LDB2: variants seen among roughly 807,000 people sequenced by gnomAD.
LDB2 encodes LIM domain-binding protein 2.
In LDB2, 12 loss-of-function variants were observed where a neutral mutation model predicts 44.3. The ratio of observed to expected loss-of-function variants is 0.27; its 90% CI spans 0.17 to 0.44. The LOEUF (loss-of-function observed/expected upper bound fraction) is 0.44, where lower values mean the gene tolerates loss of function less well. Ranked by LOEUF, LDB2 falls within the 20% of genes least tolerant of loss-of-function variation. The pLI, the probability that LDB2 is intolerant of heterozygous loss-of-function variation, is 1.00. For synonymous variants in LDB2, 164 were observed against 174.8 expected (o/e 0.94, Z 0.49); for missense variants, 344 against 473.5 (o/e 0.73, Z 2.54).
Position 16,727,958 on chromosome 4 carries a change from C to A in LDB2, c.235+31200G>T, listed in dbSNP as rs114353135. Among the ~76,000 whole-genome samples, 943 of 152,254 alleles carry A rather than the reference C, an allele frequency of 6.2e-3. 10 individuals are homozygous for A. Among genetic ancestry groups the A allele is most frequent in the African/African-American group, 0.022 (898 of 41,526 alleles). ...GTTTACAGTCTAACCATTCTCAAGG[C>A]TCCATGGGAGCAGCCATTTAAAAAT... is the stretch of plus-strand genomic sequence containing the variant. On this transcript the variant is annotated intron_variant, in intron 2 of 7. Transcript: ENST00000304523.
At chr4:16,613,992 G>A (rs1726417315) in intron 2 of LDB2, among the ~76,000 whole-genome samples, 2 of 152,158 alleles carry the variant, frequency 1.3e-5, no homozygotes, top group South Asian at 4.1e-4. Context: ...CAAACTGGAG[G>A]CAACACACTA....
chr4:16,727,075 T>A (rs1345538731), intron 2 of LDB2, among the ~76,000 whole-genome samples: 4 of 152,214 alleles, frequency 2.6e-5, no homozygotes, highest in Non-Finnish European at 5.9e-5. Context: ...AAGAAATTGA[T>A]GAAATGCATT....
chr4:16,758,507 G>A (rs995719445), intron 2 of LDB2, among the ~76,000 whole-genome samples: 2 of 152,142 alleles, frequency 1.3e-5, no homozygotes, highest in African/African-American at 2.4e-5. Context: ...AGCACAACTA[G>A]CAAATCTGAT....
chr4:16,678,859 AC>A (rs1185662874), intron 2 of LDB2, among the ~76,000 whole-genome samples: 3 of 152,138 alleles, frequency 2.0e-5, no homozygotes, highest in Non-Finnish European at 4.4e-5. Flanking sequence ...CTATTTTCCC[AC>A]CTAGACTTCA....
intron 3 of LDB2, among the ~76,000 whole-genome samples, chr4:16,594,416 T>C (rs565844608): frequency 6.6e-6 from 1 of 152,304 alleles, no homozygotes; most frequent in Admixed American, 6.5e-5. Flanking sequence ...CTGCATCCAG[T>C]GTGAAGCTTC....
chr4:16,639,345 A>G (rs1471766832), intron 2 of LDB2, among the ~76,000 whole-genome samples: 1 of 152,248 alleles, frequency 6.6e-6, no homozygotes, highest in African/African-American at 2.4e-5. Flanking sequence ...GCACTATGAA[A>G]CAAAACCCAA....
At chr4:16,643,750 CGTT>C (rs144303028) in intron 2 of LDB2, among the ~76,000 whole-genome samples, 14,720 of 151,830 alleles carry the variant, frequency 0.097, 1,165 homozygotes, top group African/African-American at 0.21. Context: ...GCGTAATTAA[CGTT>C]GTTTAAATAA....
At chr4:16,805,903 AC>A (rs1404962725) in intron 1 of LDB2, among the ~76,000 whole-genome samples, 1 of 152,008 alleles carries the variant, frequency 6.6e-6, no homozygotes, top group Non-Finnish European at 1.5e-5. Flanking sequence ...GCTCTCAGGC[AC>A]CCTCTCTTCT....
At chr4:16,560,608 A>G (rs1319430613) in intron 5 of LDB2, among the ~76,000 whole-genome samples, 1 of 152,224 alleles carries the variant, frequency 6.6e-6, no homozygotes, top group East Asian at 1.9e-4. Flanking sequence ...CCAGGACCAG[A>G]TGGATTCACA....
At chr4:16,611,288 T>A (rs1725528389) in intron 2 of LDB2, among the ~76,000 whole-genome samples, 1 of 152,096 alleles carries the variant, frequency 6.6e-6, no homozygotes, top group Admixed American at 6.5e-5. Flanking sequence ...CCAATGACAC[T>A]ACAAAGAAAC....
At chr4:16,505,334 TGTGTGTGTGTGTGAGAGAGAGAGAGC>T (rs796736818) in intron 7 of LDB2, among the ~76,000 whole-genome samples, 231 of 148,684 alleles carry the variant, frequency 1.6e-3, no homozygotes, top group African/African-American at 4.5e-3. Flanking sequence ...GATACTTAGT[TGTGTGTGTGTGTGAGAGAGAGAGAGC>T]GTGTGTGTGT....
chr4:16,877,651 CA>C (rs1408655187), intron 1 of LDB2, among the ~76,000 whole-genome samples: 20 of 152,244 alleles, frequency 1.3e-4, no homozygotes, highest in Admixed American at 1.2e-3. Context: ...CATACACATA[CA>C]TATATCAGTA....
intron 5 of LDB2, among the ~76,000 whole-genome samples, chr4:16,573,868 G>C (rs945844944): frequency 1.3e-5 from 2 of 152,122 alleles, no homozygotes; most frequent in African/African-American, 4.8e-5. Flanking sequence ...AGGTGGAAAA[G>C]GGGGTTGAAT....
Position 16,502,534 on chromosome 4 carries a change from T to C in LDB2, c.*109A>G. The C allele has an allele frequency of 7.3e-7, 1 of 1,372,410 alleles. No individual in the cohort carries two copies. Among genetic ancestry groups the C allele is most frequent in the Non-Finnish European group, 1.0e-6 (1 of 988,602 alleles). The allele number at this position is 1,372,410 out of a possible 1,614,324, so 85.0% of individuals were successfully genotyped here. On this transcript the variant is annotated 3_prime_UTR_variant, in exon 8 of 8. Coordinates refer to ENST00000304523, the MANE Select transcript of LDB2 (RefSeq NM_001290.5). The stretch of plus-strand genomic sequence containing the variant: ...ATCATTGTGGTTTAGAAATAGATAT[T>C]TGCATGGAAAAGTTTTTATCTCTTC...
intron 1 of LDB2, among the ~76,000 whole-genome samples, chr4:16,770,472 CAG>C (rs1770412852): frequency 6.6e-6 from 1 of 152,220 alleles, no homozygotes; most frequent in African/African-American, 2.4e-5. Context: ...TGAAAATGCA[CAG>C]AGTTTCAAAA....
chr4:16,680,102 A>G (rs1433889553), intron 2 of LDB2, among the ~76,000 whole-genome samples: 1 of 152,146 alleles, frequency 6.6e-6, no homozygotes, highest in Non-Finnish European at 1.5e-5. Context: ...GAATAGGATT[A>G]GTGCCCACAT....
chr4:16,867,473 C>T (rs1356067932), intron 1 of LDB2, among the ~76,000 whole-genome samples: 1 of 152,032 alleles, frequency 6.6e-6, no homozygotes, highest in Non-Finnish European at 1.5e-5. Context: ...AAGAAATAGC[C>T]CATACCGGTT....
chr4:16,658,128 C>T (rs1226366775), intron 2 of LDB2, among the ~76,000 whole-genome samples: 2 of 152,118 alleles, frequency 1.3e-5, no homozygotes, highest in Admixed American at 6.5e-5. Context: ...GGATTGGAAA[C>T]AGAAAGACAG....
intron 1 of LDB2, among the ~76,000 whole-genome samples, chr4:16,811,475 A>G (rs562466832): frequency 6.6e-6 from 1 of 152,314 alleles, no homozygotes; most frequent in Admixed American, 6.5e-5. Context: ...CTAAACTTCA[A>G]TTCTCTGTGG....
Sources: allele counts gnomAD v4.1 joint callset (sites outside exome capture counted in the v4.1 genomes callset), GRCh38; gene constraint gnomAD v4.1.1; transcripts MANE v1.5; gene names NCBI Gene and HGNC (gene_info 2026-07-23, HGNC 2026-07-21).